The following CARMIL1 variants were observed in gnomAD, a reference collection of about 807,000 sequenced individuals.
The protein encoded by CARMIL1 is F-actin-uncapping protein LRRC16A.
Under a neutral mutation model 177.1 loss-of-function variants are expected in CARMIL1, and 90 were observed. The observed-to-expected ratio is 0.51, with a 90% confidence interval of 0.43 to 0.61. The LOEUF is 0.61. Ranked by LOEUF, CARMIL1 falls within the 20% of genes least tolerant of loss-of-function variation. The pLI is 0.00. For synonymous variants in CARMIL1, 577 were observed against 606.2 expected (o/e 0.95, Z 0.71); for missense variants, 1,380 against 1,667.0 (o/e 0.83, Z 3.00).
At chr6:25,422,898 C>T (rs1323331121) in intron 3 of CARMIL1, among the ~76,000 whole-genome samples, 1 of 152,128 alleles carries the variant, frequency 6.6e-6, no homozygotes, top group African/African-American at 2.4e-5. Flanking sequence ...AGGCTTGGCT[C>T]CGTCCTGTGA....
At chr6:25,511,668 G>A (rs1805466888) in intron 20 of CARMIL1, among the ~76,000 whole-genome samples, 2 of 152,124 alleles carry the variant, frequency 1.3e-5, no homozygotes, top group African/African-American at 4.8e-5. Flanking sequence ...TCATACCAGG[G>A]AAGAGCAAAT....
intron 3 of CARMIL1, among the ~76,000 whole-genome samples, chr6:25,422,052 A>G (rs1795908262): frequency 6.6e-6 from 1 of 152,142 alleles, no homozygotes; most frequent in African/African-American, 2.4e-5. Flanking sequence ...AAAAGAAAAT[A>G]GCTAAAAGAT....
chr6:25,587,122 CCA>C (rs1813829521), intron 31 of CARMIL1, among the ~76,000 whole-genome samples: 1 of 152,060 alleles, frequency 6.6e-6, no homozygotes, highest in Admixed American at 6.5e-5. Context: ...TTAGATCAAA[CCA>C]CAGTCATTTT....
intron 29 of CARMIL1, among the ~76,000 whole-genome samples, chr6:25,560,286 G>A (rs1203689778): frequency 6.6e-6 from 1 of 151,960 alleles, no homozygotes; most frequent in Non-Finnish European, 1.5e-5. Flanking sequence ...TTCTTTTAAC[G>A]AGAAGAAACT....
intron 2 of CARMIL1, among the ~76,000 whole-genome samples, chr6:25,327,054 A>T (rs1015944720): frequency 3.9e-5 from 6 of 152,198 alleles, no homozygotes; most frequent in African/African-American, 1.4e-4. Context: ...CAGAGGGAAG[A>T]TGTAGTTTCA....
chr6:25,596,473 C>G (rs2151296942), intron 32 of CARMIL1, among the ~76,000 whole-genome samples: 1 of 152,318 alleles, frequency 6.6e-6, no homozygotes, highest in South Asian at 2.1e-4. Context: ...TTCCCACTCC[C>G]TATTCCCCAG....
intron 2 of CARMIL1, among the ~76,000 whole-genome samples, chr6:25,305,803 C>A (rs1360916817): frequency 6.6e-6 from 1 of 152,174 alleles, no homozygotes; most frequent in African/African-American, 2.4e-5. Flanking sequence ...ATATAGGTTA[C>A]CAGCCTAAGG....
At chr6:25,405,377 T>TC (rs1253681757) in intron 2 of CARMIL1, among the ~76,000 whole-genome samples, 19 of 152,198 alleles carry the variant, frequency 1.2e-4, no homozygotes, top group African/African-American at 4.6e-4. Flanking sequence ...GTCTGCCTCA[T>TC]CAGTACCCTG....
chr6:25,464,247 A>AT (rs34232235), intron 8 of CARMIL1, among the ~76,000 whole-genome samples: 85 of 151,032 alleles, frequency 5.6e-4, no homozygotes, highest in Middle Eastern at 3.4e-3. Context: ...ATTTCTCTGG[A>AT]TTTTTTTTTT....
rs1210917671 is a variant in CARMIL1 at position 25,326,155 on chromosome 6, A to G, written c.138+41246A>G. Among the ~76,000 whole-genome samples the G allele has an allele frequency of 1.3e-5, 2 of 152,212 alleles. No homozygotes were observed. Among genetic ancestry groups the G allele is most frequent in the African/African-American group, 4.8e-5 (2 of 41,456 alleles). ...AATGCTGGGATTACAGGCGTGAGCCACTGCGCTCGGCCTAGATGAGACATT... is the reference window on the plus strand; with the variant it reads ...AATGCTGGGATTACAGGCGTGAGCCGCTGCGCTCGGCCTAGATGAGACATT... On this transcript the variant is annotated intron_variant, in intron 2 of 36. Coordinates refer to ENST00000329474, the MANE Select transcript of CARMIL1 (RefSeq NM_017640.6). This position sits in a 1 kb window ranked among gnomAD's most constrained non-coding sequence, Gnocchi z 4.2.
At chr6:25,300,574 G>C (rs934477584) in intron 2 of CARMIL1, among the ~76,000 whole-genome samples, 2 of 152,186 alleles carry the variant, frequency 1.3e-5, no homozygotes, top group Non-Finnish European at 2.9e-5. Flanking sequence ...ACTTGAACTC[G>C]GGAGGTAGAG....
chr6:25,383,340 T>G (rs1791790470), intron 2 of CARMIL1, among the ~76,000 whole-genome samples: 4 of 152,140 alleles, frequency 2.6e-5, no homozygotes, highest in Admixed American at 2.0e-4. Context: ...AAAGTTTTTT[T>G]GAAGTGAAAA....
chr6:25,465,088 A>AG (rs1800477009), intron 8 of CARMIL1, among the ~76,000 whole-genome samples: 1 of 151,940 alleles, frequency 6.6e-6, no homozygotes, highest in South Asian at 2.1e-4. Flanking sequence ...AAAAAAAAAA[A>AG]AAAAGACCAA....
At chr6:25,431,838 A>G (rs772087859) in intron 4 of CARMIL1, among the ~76,000 whole-genome samples, 46 of 152,116 alleles carry the variant, frequency 3.0e-4, no homozygotes, top group South Asian at 6.2e-4. Context: ...CCAAATGAAT[A>G]GCTTTACAAC....
intron 2 of CARMIL1, among the ~76,000 whole-genome samples, chr6:25,362,329 T>C (rs1789296741): frequency 6.6e-6 from 1 of 152,246 alleles, no homozygotes; most frequent in Admixed American, 6.5e-5. Context: ...ATCACACTTT[T>C]ATTGAATCCA....
At chr6:25,465,616 T>G in intron 8 of CARMIL1, 8 of 412,880 alleles carry the variant, frequency 1.9e-5, no homozygotes, top group Admixed American at 4.1e-5. Context: ...AGCAAGGAGG[T>G]TTTTCAAGCA....
intron 2 of CARMIL1, among the ~76,000 whole-genome samples, chr6:25,380,210 T>C (rs1305322758): frequency 6.6e-6 from 1 of 152,182 alleles, no homozygotes; most frequent in Non-Finnish European, 1.5e-5. Context: ...ATCTCCGACG[T>C]TATTTTAAAA....
At chr6:25,452,002 C>CCCCCCA in intron 8 of CARMIL1, 6 of 258,926 alleles carry the variant, frequency 2.3e-5, no homozygotes, top group Admixed American at 3.9e-5. Context: ...CCCTCCCCCC[C>CCCCCCA]CCAGAATACT....
At chr6:25,562,402 C>T (rs931119072) in intron 29 of CARMIL1, among the ~76,000 whole-genome samples, 32 of 152,230 alleles carry the variant, frequency 2.1e-4, no homozygotes, top group African/African-American at 5.8e-4. Flanking sequence ...CGCCTGCCAC[C>T]GCGCCTGGCT....
Sources: gnomAD v4.1 joint callset for allele counts (sites outside exome capture counted in the v4.1 genomes callset) on GRCh38, gnomAD v4.1.1 for gene constraint, Gnocchi (gnomAD v3.1) non-coding constraint, MANE v1.5 for transcripts, NCBI Gene and HGNC (gene_info 2026-07-23, HGNC 2026-07-21) for gene names.